Variants in DYSF observed in about 807,000 individuals in gnomAD.
DYSF encodes dystrophy-associated fer-1-like 1.
A neutral mutation model predicts 274.9 loss-of-function variants in DYSF; 212 were observed. The observed-to-expected ratio is 0.77, with a 90% CI of 0.69 to 0.86. The LOEUF (loss-of-function observed/expected upper bound fraction) is 0.86. Among genes scored for constraint, DYSF ranks in the 40% least tolerant of loss-of-function variants. The pLI, the probability that DYSF is intolerant of heterozygous loss-of-function variation, is 0.00. For synonymous variants in DYSF, 1,091 were observed against 1,078.7 expected, an observed-to-expected ratio of 1.01 and a Z score of -0.22; for missense variants, 2,666 against 2,783.2, an observed-to-expected ratio of 0.96 and a Z score of 0.95.
At chr2:71,570,130 G>T in intron 27 of DYSF, 99 bp from the exon 28 acceptor site, 3 of 1,193,638 alleles carry the variant, frequency 2.5e-6, no homozygotes, top group South Asian at 1.2e-5. Flanking sequence ...TTCTGTCTGG[G>T]ACTTGGAGGA....
intron 3 of DYSF, among the ~76,000 whole-genome samples, chr2:71,501,766 G>T (rs566953928): frequency 9.2e-5 from 14 of 152,184 alleles, no homozygotes; most frequent in Non-Finnish European, 1.9e-4. Context: ...ATATTCCATT[G>T]TATGGATGGA....
chr2:71,680,402 A>G (rs145847593), intron 53 of DYSF, among the ~76,000 whole-genome samples: 48 of 152,330 alleles, frequency 3.2e-4, no homozygotes, highest in African/African-American at 1.1e-3. Context: ...GAAATTTGAT[A>G]ACATATAGTA....
chr2:71,611,400 C>G (rs2093757472), intron 37 of DYSF, 54 bp downstream of exon 37: 3 of 1,614,006 alleles, frequency 1.9e-6, no homozygotes, highest in Non-Finnish European at 2.5e-6. Flanking sequence ...CCTTCCCCTT[C>G]CTGGCCCCAG....
intron 21 of DYSF, 62 bp downstream of exon 21, chr2:71,553,993 T>C: frequency 6.2e-7 from 1 of 1,611,660 alleles, no homozygotes; most frequent in African/African-American, 1.3e-5. Context: ...CCCCGCTGCA[T>C]GGGGTGTCTC....
chr2:71,618,535 GGT>G (rs1361653334), intron 40 of DYSF, among the ~76,000 whole-genome samples: 311 of 105,630 alleles, frequency 2.9e-3, no homozygotes, highest in African/African-American at 9.3e-3. Flanking sequence ...GTAGAGGTGG[GGT>G]GTGTGTGTGT....
At chr2:71,564,711 G>A (rs2091978291) in intron 24 of DYSF, among the ~76,000 whole-genome samples, 1 of 152,216 alleles carries the variant, frequency 6.6e-6, no homozygotes, top group Non-Finnish European at 1.5e-5. Context: ...TGGACCCACT[G>A]GAGAGCTGGG....
At chr2:71,459,202 A>C (rs949369878) in intron 1 of DYSF, among the ~76,000 whole-genome samples, 1 of 152,196 alleles carries the variant, frequency 6.6e-6, no homozygotes, top group African/African-American at 2.4e-5. Flanking sequence ...GTTCCTCTAA[A>C]GGTCAGTGTC....
intron 41 of DYSF, among the ~76,000 whole-genome samples, chr2:71,631,673 T>A (rs2094315182): frequency 6.6e-6 from 1 of 152,176 alleles, no homozygotes; most frequent in Non-Finnish European, 1.5e-5. Context: ...AATTGGTTAT[T>A]TGCTGTGTTT....
intron 20 of DYSF, 60 bp from the exon 21 acceptor site, chr2:71,553,747 A>AGGCCCAAACCCCCCCC: frequency 1.1e-6 from 1 of 872,684 alleles, no homozygotes; most frequent in Non-Finnish European, 1.8e-6. Context: ...CACTCTTAGC[A>AGGCCCAAACCCCCCCC]CCCCATCCCA....
At chr2:71,585,426 C>T (rs569083513) in intron 30 of DYSF, among the ~76,000 whole-genome samples, 5 of 152,238 alleles carry the variant, frequency 3.3e-5, no homozygotes, top group South Asian at 4.1e-4. Context: ...GTAGGTGTTT[C>T]GTAAATGGGT....
intron 51 of DYSF, among the ~76,000 whole-genome samples, chr2:71,669,957 C>T (rs1258964941): frequency 6.6e-6 from 1 of 152,146 alleles, no homozygotes; most frequent in Non-Finnish European, 1.5e-5. Context: ...TGTGTGATGG[C>T]CTCTGTCCCA....
At chr2:71,460,250 C>A (rs954633378) in intron 1 of DYSF, among the ~76,000 whole-genome samples, 10 of 152,166 alleles carry the variant, frequency 6.6e-5, no homozygotes, top group African/African-American at 2.4e-4. Context: ...TGATGGCGCA[C>A]GCCTCTGTCT....
At chr2:71,556,928 G>A (rs1464322102) in intron 22 of DYSF, among the ~76,000 whole-genome samples, 2 of 152,226 alleles carry the variant, frequency 1.3e-5, no homozygotes, top group Non-Finnish European at 2.9e-5. Context: ...CAGCCCTGCT[G>A]AACGCATCTG....
At chr2:71,596,029 G>A (rs912063148) in intron 32 of DYSF, among the ~76,000 whole-genome samples, 15 of 150,756 alleles carry the variant, frequency 9.9e-5, no homozygotes, top group Non-Finnish European at 2.1e-4. Flanking sequence ...TGAGGAGTGG[G>A]GTCCCGTGCA....
intron 1 of DYSF, among the ~76,000 whole-genome samples, chr2:71,472,405 T>C (rs182434673): frequency 2.4e-3 from 372 of 152,318 alleles, no homozygotes; most frequent in African/African-American, 8.5e-3. Flanking sequence ...TCTTTGACAC[T>C]TTCTTTCTTT....
At chr2:71,673,319 C>A (rs1410491141) in intron 51 of DYSF, among the ~76,000 whole-genome samples, 1 of 152,204 alleles carries the variant, frequency 6.6e-6, no homozygotes, top group Non-Finnish European at 1.5e-5. Context: ...CCACACCGCT[C>A]AGTTGCTCCA....
At chr2:71,570,422 A>C (rs2092350635) in intron 28 of DYSF, 88 bp downstream of exon 28, 10 of 1,473,326 alleles carry the variant, frequency 6.8e-6, no homozygotes, top group Middle Eastern at 2.0e-4. Flanking sequence ...AGGGCCCTTC[A>C]CTGGGCTATT....
In DYSF at chr2:71,574,291, C is replaced by G; in HGVS notation, c.3322C>G (p.Arg1108Gly). The G allele has an allele frequency of 6.2e-7, 1 of 1,613,380 alleles. No homozygotes were observed. Among genetic ancestry groups the G allele is most frequent in the Non-Finnish European group, 8.5e-7 (1 of 1,179,604 alleles). The change falls in exon 30 of 56, where the codon CGC becomes GGC. Residue 1108 changes from arginine (R) to glycine (G), a missense_variant. Arg to Gly is a moderately radical substitution (Grantham distance 125). Around this residue, in one of 3 missense-constraint regions of DYSF, gnomAD observed 1,460 missense variants for 1,502.1 expected, o/e 0.97. Coordinates refer to ENST00000410020, the MANE Select transcript of DYSF (RefSeq NM_001130987.2). ...HLEYRKTDAF[R>G]RRRWRRRMEP... ...CGAGTACCGCAAGACAGATGCCTTC[C>G]GCCGCCGCCGCTGGCGCCGTCGCAT...
At chr2:71,465,212 C>T (rs2081453311), upstream of DYSF, among the ~76,000 whole-genome samples, 1 of 152,110 alleles carries the variant, frequency 6.6e-6, no homozygotes, top group South Asian at 2.1e-4. Flanking sequence ...TGCAGGCTCA[C>T]CACTGAATGG....
Sources: allele counts gnomAD v4.1 joint callset (sites outside exome capture counted in the v4.1 genomes callset), GRCh38; gene constraint gnomAD v4.1.1; regional missense constraint gnomAD v4.1.1; transcripts MANE v1.5; gene names NCBI Gene and HGNC (gene_info 2026-07-23, HGNC 2026-07-21).